SLC25A30: variants seen among roughly 807,000 people sequenced by gnomAD.
SLC25A30 encodes the protein kidney mitochondrial carrier protein 1.
Under a neutral mutation model 42.7 loss-of-function variants are expected in SLC25A30, and 29 were observed. That is an observed-to-expected ratio of 0.68 (90% CI 0.51 to 0.93). The LOEUF (loss-of-function observed/expected upper bound fraction) is 0.93, where lower values mean the gene tolerates loss of function less well. Ranked by LOEUF, SLC25A30 falls within the 40% of genes least tolerant of loss-of-function variation. The pLI is 0.00. For missense variants in SLC25A30, 300 were observed against 359.7 expected, an observed-to-expected ratio of 0.83 and a Z score of 1.34; for synonymous variants, 124 against 131.0, an observed-to-expected ratio of 0.95 and a Z score of 0.37.
chr13:45,423,903 A>G, the SLC25A30 span, among the ~76,000 whole-genome samples: 52 of 90,776 alleles, frequency 5.7e-4, no homozygotes, highest in South Asian at 0.012. Context: ...AAATATATAT[A>G]AGAATATATA....
the SLC25A30 span, among the ~76,000 whole-genome samples, chr13:45,432,986 C>T: frequency 2.1e-5 from 3 of 145,334 alleles, no homozygotes; most frequent in Non-Finnish European, 4.5e-5. Context: ...TGCAGTGAGC[C>T]GTATCGTGCC....
At chr13:45,409,671 T>C (rs1332839542) in intron 2 of SLC25A30, among the ~76,000 whole-genome samples, 2 of 151,962 alleles carry the variant, frequency 1.3e-5, no homozygotes, top group Non-Finnish European at 2.9e-5. Flanking sequence ...TAGCTGGGCG[T>C]GGTGGCAGGC....
At chr13:45,423,645 ACATATT>A in the SLC25A30 span, among the ~76,000 whole-genome samples, 1 of 71,592 alleles carries the variant, frequency 1.4e-5, no homozygotes, top group Non-Finnish European at 2.4e-5. Context: ...TATATAAAAT[ACATATT>A]TATATAAATA....
the SLC25A30 span, among the ~76,000 whole-genome samples, chr13:45,424,544 A>G: frequency 2.0e-4 from 7 of 34,214 alleles, no homozygotes; most frequent in South Asian, 1.4e-3. Context: ...TAAATATATA[A>G]ATATATAAAT....
At position 45,394,305 on chromosome 13, in the gene SLC25A30, C is replaced by T. The variant is rs1382841031; in HGVS notation, c.*1669G>A. 1.1e-6 allele frequency: 1 copy of T among 951,246 alleles called. No homozygotes were observed. Among genetic ancestry groups the T allele is most frequent in the Non-Finnish European group, 1.2e-6 (1 of 803,148 alleles). 58.9% of individuals were successfully genotyped at this position (951,246 alleles called of 1,614,324 possible). A position where few individuals can be genotyped will look rare whatever the true frequency, so the allele number is the denominator to read the frequency against. ...TTTGATGACTTTGTCTTAGCTCTCA[C>T]TTTTGGAAATAATATTCAAAGGGAC... On this transcript the variant is annotated 3_prime_UTR_variant, in exon 10 of 10. Coordinates refer to ENST00000519676, the MANE Select transcript of SLC25A30 (RefSeq NM_001010875.4).
At chr13:45,412,683 A>C (rs1424109701) in intron 1 of SLC25A30, among the ~76,000 whole-genome samples, 2 of 152,248 alleles carry the variant, frequency 1.3e-5, no homozygotes, top group African/African-American at 2.4e-5. Flanking sequence ...GCATTAAGCC[A>C]TATATATTTT....
At chr13:45,419,731 A>G (rs928426934), upstream of SLC25A30, among the ~76,000 whole-genome samples, 10 of 150,596 alleles carry the variant, frequency 6.6e-5, no homozygotes, top group Admixed American at 6.0e-4. Context: ...GGAGTTCGAG[A>G]CCAGCCTGAC....
chr13:45,423,675 T>TAAAAAA, the SLC25A30 span, among the ~76,000 whole-genome samples: 1 of 4,562 alleles, frequency 2.2e-4, no homozygotes, highest in African/African-American at 7.1e-4. Context: ...ATAAAATACA[T>TAAAAAA]ATTTATATAA....
upstream of SLC25A30, among the ~76,000 whole-genome samples, chr13:45,422,517 A>G (rs533662823): frequency 3.9e-5 from 6 of 152,260 alleles, no homozygotes; most frequent in South Asian, 1.2e-3. Flanking sequence ...AGCGGTTCTC[A>G]ATCTGAATCA....
intron 6 of SLC25A30, 39 bp downstream of exon 6, chr13:45,402,236 G>T: frequency 6.7e-7 from 1 of 1,487,348 alleles, no homozygotes; most frequent in Non-Finnish European, 9.3e-7. Context: ...AAGGAAAAAA[G>T]AACTAAATAA....
At chr13:45,429,732 G>A in the SLC25A30 span, among the ~76,000 whole-genome samples, 99 of 152,014 alleles carry the variant, frequency 6.5e-4, no homozygotes, top group Non-Finnish European at 1.0e-3. Flanking sequence ...CTACTCAGGA[G>A]GCTGAGGCAG....
intron 6 of SLC25A30, 86 bp downstream of exon 6, chr13:45,402,189 G>T: frequency 2.0e-6 from 2 of 1,010,626 alleles, no homozygotes; most frequent in Non-Finnish European, 3.0e-6. Context: ...TACGACACTT[G>T]GATTAAAATT....
At chr13:45,412,947 T>C (rs1333378154) in intron 1 of SLC25A30, among the ~76,000 whole-genome samples, 2 of 152,254 alleles carry the variant, frequency 1.3e-5, no homozygotes, top group East Asian at 1.9e-4. Context: ...TCAGTCATTA[T>C]TGGCAAGCAA....
chr13:45,414,677 C>T (rs1275681687), intron 1 of SLC25A30, among the ~76,000 whole-genome samples: 1 of 148,530 alleles, frequency 6.7e-6, no homozygotes, highest in Non-Finnish European at 1.5e-5. Flanking sequence ...CACACGAAAA[C>T]GGTTCTAGTT....
the SLC25A30 span, among the ~76,000 whole-genome samples, chr13:45,424,610 T>TGTATAA: frequency 1.1e-3 from 57 of 51,678 alleles, no homozygotes; most frequent in Non-Finnish European, 1.4e-3. Context: ...TATATATAAA[T>TGTATAA]ATATATAAAT....
At chr13:45,421,324 A>C (rs1228398173), upstream of SLC25A30, among the ~76,000 whole-genome samples, 1 of 138,548 alleles carries the variant, frequency 7.2e-6, no homozygotes, top group South Asian at 2.5e-4. Context: ...GGTTGCAGTG[A>C]GTTGAGATCG....
chr13:45,405,887 T>C lies in SLC25A30; in HGVS notation c.303A>G (p.Pro101=). The C allele has an allele frequency of 1.9e-6, 3 of 1,614,112 alleles. No homozygotes were observed. Among genetic ancestry groups the C allele is most frequent in the Non-Finnish European group, 2.5e-6 (3 of 1,179,950 alleles). The change falls in exon 4 of 10, where the codon CCA becomes CCG. Residue 101 remains proline (P), a synonymous_variant. Transcript: ENST00000519676. ...QSLKRLFIER[P]EDETLPINVI... ...GAAAACAGATTCCCCACTCACCTTC[T>C]GGGCGTTCAATGAATAGTCGCTTCA...
the SLC25A30 span, among the ~76,000 whole-genome samples, chr13:45,425,599 T>TATATATACATATATAAATATATATATAC: frequency 1.8e-5 from 1 of 57,062 alleles, no homozygotes; most frequent in South Asian, 3.8e-4. Context: ...TATATATACA[T>TATATATACATATATAAATATATATATAC]ATATATATAC....
chr13:45,424,600 T>TATAAATATATAAAAATATATATAA, the SLC25A30 span, among the ~76,000 whole-genome samples: 4 of 43,922 alleles, frequency 9.1e-5, no homozygotes, highest in African/African-American at 4.0e-4. Context: ...TATATATAAA[T>TATAAATATATAAAAATATATATAA]ATATATAAAT....
Sources: allele counts gnomAD v4.1 joint callset (sites outside exome capture counted in the v4.1 genomes callset), GRCh38; gene constraint gnomAD v4.1.1; transcripts MANE v1.5; gene names NCBI Gene and HGNC (gene_info 2026-07-23, HGNC 2026-07-21).